Variants in ESRRG observed in about 807,000 individuals in gnomAD.
The protein encoded by ESRRG is estrogen related receptor gamma, also known as estrogen-related receptor gamma.
ESRRG carries 13 observed loss-of-function variants against 44.0 expected under a neutral mutation model. The ratio of observed to expected loss-of-function variants is 0.30; its 90% CI spans 0.19 to 0.47. The LOEUF is 0.47. ESRRG is among the 20% of genes least tolerant of loss of function. ESRRG has a pLI of 1.00. For synonymous variants in ESRRG, 215 were observed against 214.6 expected, an observed-to-expected ratio of 1.00 and a Z score of -0.02; for missense variants, 395 against 580.6, an observed-to-expected ratio of 0.68 and a Z score of 3.29.
At chr1:216,885,406 G>A (rs187700576) in intron 2 of ESRRG, among the ~76,000 whole-genome samples, 2 of 152,230 alleles carry the variant, frequency 1.3e-5, no homozygotes, top group African/African-American at 4.8e-5. Flanking sequence ...CTGGGGAGAG[G>A]AGGCATGGGA....
intron 2 of ESRRG, among the ~76,000 whole-genome samples, chr1:216,898,209 T>C (rs2058648687): frequency 6.6e-6 from 1 of 152,216 alleles, no homozygotes; most frequent in South Asian, 2.1e-4. Context: ...ATTTCTCCAC[T>C]CAATTTATGA....
At chr1:216,642,102 T>C (rs2066550354) in intron 3 of ESRRG, among the ~76,000 whole-genome samples, 1 of 152,188 alleles carries the variant, frequency 6.6e-6, no homozygotes, top group Admixed American at 6.5e-5. Context: ...AAAGAATAAC[T>C]ACATTAAATA....
intron 1 of ESRRG, among the ~76,000 whole-genome samples, chr1:217,132,631 G>C (rs188223540): frequency 2.0e-5 from 3 of 152,106 alleles, no homozygotes; most frequent in Admixed American, 1.3e-4. Flanking sequence ...ATCTAAGGTC[G>C]GTCGTCTAAG....
chr1:216,751,593 T>C (rs1482970276), intron 2 of ESRRG, among the ~76,000 whole-genome samples: 3 of 152,008 alleles, frequency 2.0e-5, no homozygotes, highest in Non-Finnish European at 4.4e-5. Context: ...TTTCCCTTTT[T>C]TTCCTCCCTG....
chr1:216,916,117 T>G (rs1355658094), intron 2 of ESRRG, among the ~76,000 whole-genome samples: 1 of 152,204 alleles, frequency 6.6e-6, no homozygotes. Flanking sequence ...GTAACATTTT[T>G]GCTCCTCATC....
chr1:216,946,029 G>A (rs141421220), intron 1 of ESRRG, among the ~76,000 whole-genome samples: 70 of 152,256 alleles, frequency 4.6e-4, no homozygotes, highest in African/African-American at 1.6e-3. Context: ...CCCTGGAACA[G>A]CTCATTATTT....
chr1:216,824,523 CG>C (rs2095358868), intron 2 of ESRRG, among the ~76,000 whole-genome samples: 1 of 149,902 alleles, frequency 6.7e-6, no homozygotes, highest in South Asian at 2.1e-4. Flanking sequence ...GTGTGAACTA[CG>C]GAATGATAAA....
intron 2 of ESRRG, among the ~76,000 whole-genome samples, chr1:216,933,477 T>TACTGTAA (rs1459575737): frequency 1.3e-5 from 2 of 151,980 alleles, no homozygotes; most frequent in Non-Finnish European, 2.9e-5. Context: ...GCACTGTCAA[T>TACTGTAA]TTCTGTGGTG....
rs372724465 is a variant in ESRRG at position 217,067,971 on chromosome 1, G to A, written c.-106+21536C>T. Among the ~76,000 whole-genome samples the A allele has an allele frequency of 9.2e-5, 14 of 152,192 alleles. No homozygotes were observed. The East Asian group carries it at 2.1e-3, about 23-fold the overall frequency. ...CTCCACACACACTAGATCTCATTTG[G>A]TTGTTCCTTCTCTTTCTAAGATGAT... On this transcript the variant is annotated intron_variant, in intron 1 of 7. Coordinates refer to the ESRRG transcript ENST00000359162.
chr1:217,066,238 G>T (rs1041264797), intron 1 of ESRRG, among the ~76,000 whole-genome samples: 2 of 149,594 alleles, frequency 1.3e-5, no homozygotes, highest in Non-Finnish European at 3.0e-5. Context: ...CCCATGGGGA[G>T]AATTCCTTTT....
intron 2 of ESRRG, among the ~76,000 whole-genome samples, chr1:216,672,253 G>A (rs2075335095): frequency 6.6e-6 from 1 of 152,118 alleles, no homozygotes; most frequent in African/African-American, 2.4e-5. Context: ...AAGTATTTTG[G>A]TCAGCCAAAA....
At chr1:216,869,281 C>A (rs1001173049) in intron 2 of ESRRG, among the ~76,000 whole-genome samples, 1 of 151,948 alleles carries the variant, frequency 6.6e-6, no homozygotes, top group Admixed American at 6.6e-5. Context: ...TTAACTTTTT[C>A]CCCCTGTTGA....
At chr1:216,739,997 G>C (rs1194904579) in intron 2 of ESRRG, among the ~76,000 whole-genome samples, 1 of 152,178 alleles carries the variant, frequency 6.6e-6, no homozygotes, top group Non-Finnish European at 1.5e-5. Flanking sequence ...TCAGTCCTGA[G>C]TCTGACTGCT....
At chr1:217,058,951 A>G (rs2087756205) in intron 1 of ESRRG, among the ~76,000 whole-genome samples, 2 of 148,498 alleles carry the variant, frequency 1.3e-5, no homozygotes. Flanking sequence ...TAAAAACTAT[A>G]AGTAAAATAT....
chr1:216,670,959 G>T (rs1380581210), intron 2 of ESRRG, among the ~76,000 whole-genome samples: 1 of 152,136 alleles, frequency 6.6e-6, no homozygotes, highest in Non-Finnish European at 1.5e-5. Context: ...TCAAATAAGA[G>T]ACTAGAACAA....
intron 1 of ESRRG, among the ~76,000 whole-genome samples, chr1:217,022,849 A>G (rs888334436): frequency 1.3e-5 from 2 of 152,050 alleles, no homozygotes; most frequent in Non-Finnish European, 2.9e-5. Context: ...GAAAGTAAGG[A>G]AGGGAGGGAG....
At chr1:216,675,518 G>T (rs111605613) in intron 2 of ESRRG, among the ~76,000 whole-genome samples, 2,177 of 152,204 alleles carry the variant, frequency 0.014, 59 homozygotes, top group African/African-American at 0.049. Context: ...AATTATGAAG[G>T]CTCCACATAA....
intron 2 of ESRRG, among the ~76,000 whole-genome samples, chr1:216,848,846 T>C (rs1420827419): frequency 6.6e-6 from 1 of 152,114 alleles, no homozygotes; most frequent in Non-Finnish European, 1.5e-5. Context: ...AAACATTTAA[T>C]AGGTAATACT....
At chr1:216,756,699 C>A (rs2092466431) in intron 2 of ESRRG, among the ~76,000 whole-genome samples, 1 of 151,940 alleles carries the variant, frequency 6.6e-6, no homozygotes, top group Middle Eastern at 3.2e-3. Flanking sequence ...GTATTTACTT[C>A]AAGAAATTAA....
Sources: allele counts gnomAD v4.1 joint callset (sites outside exome capture counted in the v4.1 genomes callset), GRCh38; gene constraint gnomAD v4.1.1; transcripts MANE v1.5; gene names NCBI Gene and HGNC (gene_info 2026-07-23, HGNC 2026-07-21).